The following ARHGAP26 variants were observed in gnomAD, a reference collection of about 807,000 sequenced individuals.
The protein encoded by ARHGAP26 is rho GTPase-activating protein 26.
ARHGAP26 carries 38 observed loss-of-function variants against 104.8 expected under a neutral mutation model. The observed-to-expected ratio is 0.36, with a 90% CI of 0.28 to 0.48. The LOEUF is 0.48. ARHGAP26 is among the 20% of genes least tolerant of loss of function. The probability of loss-of-function intolerance (pLI) is 0.99; values close to 1 mark genes in which losing one functional copy is unlikely to be tolerated. For synonymous variants in ARHGAP26, 341 were observed against 340.0 expected (o/e 1.00, Z -0.03); for missense variants, 704 against 947.9 (o/e 0.74, Z 3.38).
intron 17 of ARHGAP26, among the ~76,000 whole-genome samples, chr5:143,072,958 G>A (rs1315041884): frequency 6.6e-6 from 1 of 152,076 alleles, no homozygotes; most frequent in East Asian, 1.9e-4. Context: ...ACCCTGGTCT[G>A]ATCACCATAC....
In ARHGAP26 at chr5:142,903,666, A is replaced by C; in HGVS notation, c.829A>C (p.Lys277Gln). ...GGAGGGATACCTCTACGTGCAGGAG[A>C]AACGTGAGTGCTTTGACTAGCAACA... The part of the protein sequence containing the change: ...TMEGYLYVQE[K>Q]RHFGTSWVKH... The change falls in exon 8 of 23, where the codon AAA becomes CAA. Residue 277 changes from lysine to glutamine, a missense_variant. By Grantham distance (53) the Lys-to-Gln change is moderately conservative. Transcript: ENST00000645722. The C allele has an allele frequency of 6.2e-7, 1 of 1,613,080 alleles. No individual in the cohort carries two copies. Among genetic ancestry groups the C allele is most frequent in the Non-Finnish European group, 8.5e-7 (1 of 1,179,592 alleles).
intron 11 of ARHGAP26, among the ~76,000 whole-genome samples, chr5:142,959,289 G>C (rs982337045): frequency 2.6e-5 from 4 of 152,182 alleles, no homozygotes; most frequent in African/African-American, 7.2e-5. Context: ...TTAGTTTTCT[G>C]TCAGTGTAAC....
intron 19 of ARHGAP26, among the ~76,000 whole-genome samples, chr5:143,143,099 C>T (rs566665175): frequency 5.3e-4 from 80 of 152,280 alleles, no homozygotes; most frequent in African/African-American, 1.9e-3. Flanking sequence ...TTTTTGCCCT[C>T]TACTCTTAGG....
chr5:143,170,659 C>T (rs1450113097), intron 20 of ARHGAP26: 6 of 152,138 alleles, frequency 3.9e-5, no homozygotes, highest in Admixed American at 6.6e-5. Flanking sequence ...AACATAATGC[C>T]GGAGGTACTG....
chr5:142,938,203 G>A (rs1001342486), intron 11 of ARHGAP26, among the ~76,000 whole-genome samples: 1 of 152,076 alleles, frequency 6.6e-6, no homozygotes, highest in East Asian at 1.9e-4. Flanking sequence ...GGGCAAAAGA[G>A]TCACAGGACA....
intron 12 of ARHGAP26, among the ~76,000 whole-genome samples, chr5:143,016,178 T>TA (rs1442157745): frequency 6.6e-6 from 1 of 152,162 alleles, no homozygotes; most frequent in African/African-American, 2.4e-5. Flanking sequence ...ATTGAAATTT[T>TA]AAAAAAATTA....
chr5:142,778,651 C>T, intron 1 of ARHGAP26, among the ~76,000 whole-genome samples: 1 of 152,156 alleles, frequency 6.6e-6, no homozygotes, highest in East Asian at 1.9e-4. Flanking sequence ...CTGTTGTTCA[C>T]TATTAGAAGG....
chr5:142,939,144 G>C (rs1217593350), intron 11 of ARHGAP26, among the ~76,000 whole-genome samples: 1 of 152,046 alleles, frequency 6.6e-6, no homozygotes, highest in Non-Finnish European at 1.5e-5. Context: ...ATGGAAGAGG[G>C]AACACTGCCT....
chr5:143,097,654 A>G (rs1792591460), intron 17 of ARHGAP26, among the ~76,000 whole-genome samples: 1 of 151,992 alleles, frequency 6.6e-6, no homozygotes, highest in Admixed American at 6.6e-5. Context: ...CCCCGTCTCT[A>G]CTAAAAATAC....
chr5:142,773,646 A>AT (rs1269613918), intron 1 of ARHGAP26, among the ~76,000 whole-genome samples: 1 of 152,210 alleles, frequency 6.6e-6, no homozygotes, highest in African/African-American at 2.4e-5. Context: ...AAGATTTTGT[A>AT]TTATCCTCTG....
chr5:143,064,561 C>T (rs933996296), intron 17 of ARHGAP26, among the ~76,000 whole-genome samples: 5 of 151,994 alleles, frequency 3.3e-5, no homozygotes, highest in Non-Finnish European at 7.4e-5. Context: ...GGACCTTCTC[C>T]AGCTATTTTT....
rs3073231 is a variant in ARHGAP26, at chr5:143,012,552, C to CATAT, written c.1108-1507_1108-1504dup. Among the ~76,000 whole-genome samples, 49 of 20,834 alleles carry CATAT rather than the reference C, an allele frequency of 2.4e-3. 2 individuals are homozygous for CATAT. The highest frequency in any genetic ancestry group is 0.019 in the Middle Eastern group (1 of 52). 13.7% of individuals were successfully genotyped at this position (20,834 alleles called of 152,430 possible). ...AGGGATATATTTATATACATACATA[C>CATAT]ATATATATATATATATATATATATT... On this transcript the variant is annotated intron_variant, in intron 11 of 22. Transcript: ENST00000645722.
At chr5:143,036,855 G>T (rs1292044885) in intron 12 of ARHGAP26, among the ~76,000 whole-genome samples, 1 of 152,200 alleles carries the variant, frequency 6.6e-6, no homozygotes, top group Non-Finnish European at 1.5e-5. Flanking sequence ...TACAGCTTCT[G>T]TTAATAGCAG....
At chr5:142,944,704 G>A (rs1487700285) in intron 11 of ARHGAP26, among the ~76,000 whole-genome samples, 1 of 152,200 alleles carries the variant, frequency 6.6e-6, no homozygotes, top group Non-Finnish European at 1.5e-5. Context: ...ATACAAAAAT[G>A]TATGTAAGAT....
At chr5:142,850,166 C>T (rs946743136) in intron 1 of ARHGAP26, among the ~76,000 whole-genome samples, 5 of 152,198 alleles carry the variant, frequency 3.3e-5, no homozygotes, top group African/African-American at 1.2e-4. Context: ...TTGTCCCCTT[C>T]TTTTGGCCCT....
chr5:143,134,450 G>A (rs1433655077), intron 19 of ARHGAP26, among the ~76,000 whole-genome samples: 1 of 152,074 alleles, frequency 6.6e-6, no homozygotes, highest in Non-Finnish European at 1.5e-5. Flanking sequence ...CATAGATCCA[G>A]TGTCCTTTCC....
intron 12 of ARHGAP26, among the ~76,000 whole-genome samples, chr5:143,029,033 CA>C (rs1472082157): frequency 6.6e-6 from 1 of 152,184 alleles, no homozygotes; most frequent in Non-Finnish European, 1.5e-5. Flanking sequence ...ATCATGAGGA[CA>C]GCTTTCCAGG....
At chr5:143,201,513 G>A (rs530892302) in intron 20 of ARHGAP26, among the ~76,000 whole-genome samples, 7 of 152,200 alleles carry the variant, frequency 4.6e-5, no homozygotes, top group African/African-American at 1.7e-4. Flanking sequence ...GGGGCAGGAG[G>A]GAGCAAGATT....
At chr5:142,950,988 TCTTTCCCTTTCTCTTTCC>T (rs1396525040) in intron 11 of ARHGAP26, among the ~76,000 whole-genome samples, 3 of 145,148 alleles carry the variant, frequency 2.1e-5, no homozygotes, top group Non-Finnish European at 3.0e-5. Context: ...TTTCCCTTCC[TCTTTCCCTTTCTCTTTCC>T]CTTTCCCTTT....
Sources: gnomAD v4.1 joint callset for allele counts (sites outside exome capture counted in the v4.1 genomes callset) on GRCh38, gnomAD v4.1.1 for gene constraint, MANE v1.5 for transcripts, NCBI Gene and HGNC (gene_info 2026-07-23, HGNC 2026-07-21) for gene names.